YJU2B: variants seen among roughly 807,000 people sequenced by gnomAD.
YJU2B encodes the protein probable splicing factor YJU2B.
YJU2B carries 18 observed loss-of-function variants against 38.0 expected under a neutral mutation model. The observed-to-expected ratio is 0.47, with a 90% CI of 0.33 to 0.70. The LOEUF is 0.70. Among genes scored for constraint, YJU2B ranks in the 30% least tolerant of loss-of-function variants. The pLI, the probability that YJU2B is intolerant of heterozygous loss-of-function variation, is 0.02. For missense variants in YJU2B, 538 were observed against 556.3 expected (o/e 0.97, Z 0.33); for synonymous variants, 246 against 225.4 (o/e 1.09, Z -0.82).
intron 6 of YJU2B, among the ~76,000 whole-genome samples, chr19:13,758,048 G>GCTCA (rs377091912): frequency 1.9e-3 from 295 of 152,046 alleles, no homozygotes; most frequent in African/African-American, 6.6e-3. Flanking sequence ...CCTCCCCCTG[G>GCTCA]CTCACAAGGC....
At chr19:13,751,930 C>T (rs1973482994) in intron 2 of YJU2B, 119 bp downstream of exon 2, 1 of 997,690 alleles carries the variant, frequency 1.0e-6, no homozygotes, top group East Asian at 2.5e-5. Flanking sequence ...GGGTCATCAT[C>T]TTTTGGTGCA....
intron 1 of YJU2B, among the ~76,000 whole-genome samples, chr19:13,749,054 A>C (rs1973355748): frequency 6.6e-6 from 1 of 152,200 alleles, no homozygotes; most frequent in East Asian, 1.9e-4. Context: ...CCTTGGATGG[A>C]GTGCAGTGGC....
chr19:13,740,787 G>A (rs1401100208), intron 2 of YJU2B, among the ~76,000 whole-genome samples: 2 of 152,042 alleles, frequency 1.3e-5, no homozygotes, highest in Non-Finnish European at 2.9e-5. Context: ...TGCCTCCCTT[G>A]GGCTCCCAAA....
intron 3 of YJU2B, among the ~76,000 whole-genome samples, chr19:13,755,446 C>A (rs933869742): frequency 5.9e-5 from 8 of 134,580 alleles, no homozygotes; most frequent in African/African-American, 2.4e-4. Context: ...AGTGACAGAG[C>A]GAGACTCTGT....
At chr19:13,751,947 C>T in intron 2 of YJU2B, 136 bp downstream of exon 2, 1 of 822,648 alleles carries the variant, frequency 1.2e-6, no homozygotes, top group South Asian at 1.4e-5. Context: ...TGCAGTGGGT[C>T]TGAAATGTGG....
Position 13,759,271 on chromosome 19 carries a change from G to C in YJU2B, c.572G>C (p.Arg191Pro). 6.3e-7 allele frequency: 1 copy of C among 1,599,888 alleles called. No individual in the cohort carries two copies. The highest frequency in any genetic ancestry group is 8.5e-7 in the Non-Finnish European group (1 of 1,172,326). Residue 191 changes from arginine to proline, a missense_variant and splice_region_variant, in exon 8 of 10, where the codon CGG becomes CCG. Transcript: ENST00000221554. ...ALNSMLRRRF[R>P]EKKKAIQEEE... ...AACAGCATGCTGCGGAGAAGGTTCC[G>C]GGTGAGGGGGGCTCCAGCCCGGGGT...
intron 6 of YJU2B, 117 bp downstream of exon 6, chr19:13,757,963 C>T: frequency 1.1e-6 from 1 of 881,990 alleles, no homozygotes; most frequent in Non-Finnish European, 1.8e-6. Context: ...GGAAATCGCC[C>T]TGGTTGGTGA....
At chr19:13,759,796 A>T (rs1413141452) in intron 8 of YJU2B, among the ~76,000 whole-genome samples, 1 of 88,176 alleles carries the variant, frequency 1.1e-5, no homozygotes, top group African/African-American at 5.2e-5. Flanking sequence ...ACGCCTGGCT[A>T]ATTTTTTTTT....
intron 3 of YJU2B, among the ~76,000 whole-genome samples, chr19:13,755,977 T>C (rs1973651417): frequency 6.6e-6 from 1 of 151,972 alleles, no homozygotes; most frequent in Non-Finnish European, 1.5e-5. Flanking sequence ...AATAAATAAA[T>C]AAGAGAGGGA....
intron 3 of YJU2B, among the ~76,000 whole-genome samples, chr19:13,754,687 C>T (rs1435708400): frequency 6.6e-6 from 1 of 152,154 alleles, no homozygotes; most frequent in African/African-American, 2.4e-5. Flanking sequence ...TCCTCCATTT[C>T]ACCATACTCT....
intron 1 of YJU2B, among the ~76,000 whole-genome samples, chr19:13,750,887 A>G (rs1973436622): frequency 6.6e-6 from 1 of 150,866 alleles, no homozygotes; most frequent in Admixed American, 6.6e-5. Context: ...AAAAGCCTGT[A>G]ACAAAGAGCT....
At chr19:13,735,487 C>G (rs1404086668) in intron 2 of YJU2B, among the ~76,000 whole-genome samples, 1 of 151,954 alleles carries the variant, frequency 6.6e-6, no homozygotes, top group East Asian at 1.9e-4. Flanking sequence ...CCCCGTCCCC[C>G]ACCAGAAGTT....
intron 2 of YJU2B, among the ~76,000 whole-genome samples, chr19:13,734,320 C>T (rs1972891107): frequency 2.0e-5 from 3 of 150,086 alleles, no homozygotes; most frequent in Admixed American, 2.0e-4. Context: ...GAGATGGAGT[C>T]TCGTTCTGTC....
chr19:13,762,266 C>A (rs745638873), intron 8 of YJU2B, 33 bp from the exon 9 acceptor site: 7 of 1,609,742 alleles, frequency 4.3e-6, no homozygotes, highest in Non-Finnish European at 5.9e-6. Context: ...CTTTGACACC[C>A]CCTATCTCTG....
At position 13,751,752 on chromosome 19, in the gene YJU2B, C is replaced by G; in HGVS notation, c.-57C>G. 1 of 1,607,784 alleles carries G rather than the reference C, an allele frequency of 6.2e-7. No homozygotes were observed. The highest frequency in any genetic ancestry group is 8.5e-7 in the Non-Finnish European group (1 of 1,174,340). Reference sequence around the variant, plus strand: ...AGGTCAGGACAGTGCAGTGTGTTCACAAGGCCAGTTTCTGATCGTCCGCCC... The same window carrying G: ...AGGTCAGGACAGTGCAGTGTGTTCAGAAGGCCAGTTTCTGATCGTCCGCCC... On this transcript the variant is annotated 5_prime_UTR_variant, in exon 2 of 10. Coordinates refer to ENST00000221554, the MANE Select transcript of YJU2B (RefSeq NM_030818.4).
chr19:13,757,887 G>A lies in YJU2B; in HGVS notation c.257+41G>A, dbSNP rs369955012. ...TGGCATCTTGGGAACAGGTGGGGTGGCCACAGGGCGAGGGGGCTACAAAGA... is the reference window on the plus strand; with the variant it reads ...TGGCATCTTGGGAACAGGTGGGGTGACCACAGGGCGAGGGGGCTACAAAGA... On this transcript the variant is annotated intron_variant, in intron 6 of 9. Coordinates refer to ENST00000221554, the MANE Select transcript of YJU2B (RefSeq NM_030818.4). 99 of 1,565,046 alleles carry A rather than the reference G, an allele frequency of 6.3e-5. 1 individual carries two copies. The highest frequency in any genetic ancestry group is 5.1e-4 in the Middle Eastern group (3 of 5,854).
At chr19:13,735,612 TCAGA>T (rs1296211092) in intron 2 of YJU2B, among the ~76,000 whole-genome samples, 5 of 150,782 alleles carry the variant, frequency 3.3e-5, no homozygotes, top group Non-Finnish European at 7.4e-5. Flanking sequence ...TTGTTACCAC[TCAGA>T]CAAACTCATT....
Position 13,737,026 on chromosome 19 carries a change from C to CAAAAA in YJU2B, c.-202+4753_-202+4757dup, listed in dbSNP as rs61619895. ...TGAGCAACACAGCAAGACTCATTCTCAAAAAAAAAAAAAAAAGAAAAAAGA... is the reference window on the plus strand; with the variant it reads ...TGAGCAACACAGCAAGACTCATTCTCAAAAAAAAAAAAAAAAAAAAAGAAAAAAGA... On this transcript the variant is annotated intron_variant, in intron 2 of 10. Coordinates refer to the YJU2B transcript ENST00000586600. 3.1e-3 allele frequency among the ~76,000 whole-genome samples: 371 copies of CAAAAA among 117,868 alleles called. 2 individuals carry two copies. Among genetic ancestry groups the CAAAAA allele is most frequent in the Non-Finnish European group, 4.6e-3 (264 of 57,628 alleles). 77.3% of individuals were successfully genotyped at this position (117,868 alleles called of 152,430 possible).
intron 6 of YJU2B, 31 bp from the exon 7 acceptor site, chr19:13,758,837 C>T (rs1277597068): frequency 6.2e-7 from 1 of 1,613,038 alleles, no homozygotes; most frequent in South Asian, 1.1e-5. Context: ...CAGCCACAGC[C>T]TCCTGACTCC....
Sources: allele counts gnomAD v4.1 joint callset (sites outside exome capture counted in the v4.1 genomes callset), GRCh38; gene constraint gnomAD v4.1.1; transcripts MANE v1.5; gene names NCBI Gene and HGNC (gene_info 2026-07-23, HGNC 2026-07-21).